LHFPL3: variants seen among roughly 807,000 people sequenced by gnomAD.
LHFPL3 encodes the protein LHFPL tetraspan subfamily member 3.
In LHFPL3, 5 loss-of-function variants were observed where a neutral mutation model predicts 19.3. That is an observed-to-expected ratio of 0.26 (90% CI 0.14 to 0.54). The LOEUF (loss-of-function observed/expected upper bound fraction) is 0.54, where lower values mean the gene tolerates loss of function less well. Among genes scored for constraint, LHFPL3 ranks in the 20% least tolerant of loss-of-function variants. LHFPL3 has a pLI of 0.94. For synonymous variants in LHFPL3, 133 were observed against 126.2 expected (o/e 1.05, Z -0.36); for missense variants, 249 against 307.4 (o/e 0.81, Z 1.42).
At chr7:104,851,796 A>T (rs1387659024) in intron 2 of LHFPL3, among the ~76,000 whole-genome samples, 1 of 152,084 alleles carries the variant, frequency 6.6e-6, no homozygotes, top group African/African-American at 2.4e-5. Context: ...TTGGCGCTGA[A>T]GCTCCTTGTC....
chr7:104,578,403 C>T (rs1562940145), intron 1 of LHFPL3, among the ~76,000 whole-genome samples: 1 of 152,344 alleles, frequency 6.6e-6, no homozygotes, highest in East Asian at 1.9e-4. Context: ...TACTTCCCCT[C>T]TCCAGCCAGG....
chr7:104,716,148 AC>A (rs1793382353), intron 1 of LHFPL3, among the ~76,000 whole-genome samples: 1 of 152,112 alleles, frequency 6.6e-6, no homozygotes, highest in Admixed American at 6.6e-5. Flanking sequence ...GGAGTTCGAG[AC>A]CAGCCTGACT....
At chr7:104,484,586 A>G (rs1793203107) in intron 1 of LHFPL3, among the ~76,000 whole-genome samples, 1 of 152,224 alleles carries the variant, frequency 6.6e-6, no homozygotes, top group Non-Finnish European at 1.5e-5. Flanking sequence ...AGTACCTCAC[A>G]CAGAGCAGGA....
intron 2 of LHFPL3, chr7:104,798,253 A>G (rs1042530718): frequency 4.6e-5 from 7 of 152,262 alleles, no homozygotes; most frequent in African/African-American, 4.8e-5. Flanking sequence ...CATGCCTGGC[A>G]TATAAGAAAT....
At chr7:104,593,077 C>T (rs996182347) in intron 1 of LHFPL3, among the ~76,000 whole-genome samples, 1 of 152,106 alleles carries the variant, frequency 6.6e-6, no homozygotes, top group African/African-American at 2.4e-5. Context: ...TTATCTTCTG[C>T]TAGCTTTTGG....
chr7:104,595,183 A>G (rs1007630121), intron 1 of LHFPL3, among the ~76,000 whole-genome samples: 1 of 152,126 alleles, frequency 6.6e-6, no homozygotes, highest in African/African-American at 2.4e-5. Flanking sequence ...GGTTATATCT[A>G]CCTTTGGTCT....
intron 1 of LHFPL3, among the ~76,000 whole-genome samples, chr7:104,359,647 C>A (rs760550768): frequency 6.6e-6 from 1 of 152,194 alleles, no homozygotes; most frequent in Non-Finnish European, 1.5e-5. Flanking sequence ...GAATTCTACC[C>A]AATTCTGTGT....
chr7:104,575,112 TAA>T (rs944963750), intron 1 of LHFPL3, among the ~76,000 whole-genome samples: 1 of 152,124 alleles, frequency 6.6e-6, no homozygotes, highest in Non-Finnish European at 1.5e-5. Flanking sequence ...AACAGAAGAC[TAA>T]AGAGGTTAAG....
intron 1 of LHFPL3, chr7:104,669,396 C>A: frequency 6.2e-7 from 1 of 1,613,716 alleles, no homozygotes; most frequent in Non-Finnish European, 8.5e-7. Flanking sequence ...ACTGAGGGAA[C>A]AGAGACCACT....
chr7:104,483,876 T>G (rs958948527), intron 1 of LHFPL3, among the ~76,000 whole-genome samples: 1 of 152,204 alleles, frequency 6.6e-6, no homozygotes, highest in East Asian at 1.9e-4. Context: ...CCTCCCACCT[T>G]GGCCTCCCAA....
chr7:104,477,417 T>C (rs918944187), intron 1 of LHFPL3, among the ~76,000 whole-genome samples: 1 of 152,236 alleles, frequency 6.6e-6, no homozygotes, highest in Non-Finnish European at 1.5e-5. Flanking sequence ...GCGACTCCAA[T>C]GTGGTCTCTG....
At chr7:104,492,523 A>G (rs1793378466) in intron 1 of LHFPL3, among the ~76,000 whole-genome samples, 2 of 152,272 alleles carry the variant, frequency 1.3e-5, no homozygotes, top group African/African-American at 4.8e-5. Flanking sequence ...TTTGCCTGGC[A>G]CATCCTAACT....
intron 1 of LHFPL3, among the ~76,000 whole-genome samples, chr7:104,458,631 A>C (rs1196383839): frequency 6.6e-6 from 1 of 151,792 alleles, no homozygotes; most frequent in East Asian, 1.9e-4. Context: ...ACTTTAAAGT[A>C]GTTTTTTCCA....
chr7:104,700,952 C>G (rs1033340737), intron 1 of LHFPL3, among the ~76,000 whole-genome samples: 1 of 152,100 alleles, frequency 6.6e-6, no homozygotes, highest in Admixed American at 6.5e-5. Context: ...TTTTACTGCT[C>G]TACTGGTTAG....
intron 1 of LHFPL3, among the ~76,000 whole-genome samples, chr7:104,591,993 G>C (rs1385128890): frequency 6.6e-6 from 1 of 152,098 alleles, no homozygotes; most frequent in African/African-American, 2.4e-5. Context: ...TCTCTACACT[G>C]TTTATTCTAG....
At chr7:104,657,036 G>A (rs1430213265) in intron 1 of LHFPL3, among the ~76,000 whole-genome samples, 1 of 152,218 alleles carries the variant, frequency 6.6e-6, no homozygotes, top group Non-Finnish European at 1.5e-5. Flanking sequence ...CTAAATGCCT[G>A]GCTGACTTTG....
At chr7:104,470,448 C>T (rs755173162) in intron 1 of LHFPL3, among the ~76,000 whole-genome samples, 3 of 152,180 alleles carry the variant, frequency 2.0e-5, no homozygotes, top group Non-Finnish European at 4.4e-5. Context: ...TGTAATATCT[C>T]AATTTAAACT....
At chr7:104,543,153 G>C (rs192743989) in intron 1 of LHFPL3, among the ~76,000 whole-genome samples, 1 of 152,160 alleles carries the variant, frequency 6.6e-6, no homozygotes, top group African/African-American at 2.4e-5. Flanking sequence ...GGGCCTGACA[G>C]GGGGTGAGGG....
At chr7:104,397,843 A>G (rs565589551) in intron 1 of LHFPL3, among the ~76,000 whole-genome samples, 2 of 152,206 alleles carry the variant, frequency 1.3e-5, no homozygotes, top group Non-Finnish European at 2.9e-5. Flanking sequence ...CAGTGAACAG[A>G]GGAGGGACAT....
Sources: allele counts gnomAD v4.1 joint callset (sites outside exome capture counted in the v4.1 genomes callset), GRCh38; gene constraint gnomAD v4.1.1; transcripts MANE v1.5; gene names NCBI Gene and HGNC (gene_info 2026-07-23, HGNC 2026-07-21).